Variants in COL5A1 observed in about 807,000 individuals in gnomAD.
The protein encoded by COL5A1 is collagen type V alpha 1 chain.
COL5A1 carries 16 observed loss-of-function variants against 263.7 expected under a neutral mutation model. The ratio of observed to expected loss-of-function variants is 0.06; its 90% CI spans 0.04 to 0.09. COL5A1 has a LOEUF of 0.09. Ranked by LOEUF, COL5A1 falls within the 10% of genes least tolerant of loss-of-function variation. COL5A1 has a pLI of 1.00. For synonymous variants in COL5A1, 1,012 were observed against 1,004.5 expected, an observed-to-expected ratio of 1.01 and a Z score of -0.14; for missense variants, 2,036 against 2,540.5, an observed-to-expected ratio of 0.80 and a Z score of 4.27.
At chr9:134,830,161 C>A (rs777444130) in intron 64 of COL5A1, 117 bp downstream of exon 64, 1 of 1,610,938 alleles carries the variant, frequency 6.2e-7, no homozygotes, top group Non-Finnish European at 8.5e-7. Flanking sequence ...ATAGTCAGTA[C>A]AAGCGGGGGT....
At chr9:134,788,534 G>A (rs1837550934) in intron 31 of COL5A1, among the ~76,000 whole-genome samples, 1 of 151,122 alleles carries the variant, frequency 6.6e-6, no homozygotes. Flanking sequence ...TTGGGTGAAT[G>A]GAGGGGTGGG....
intron 11 of COL5A1, among the ~76,000 whole-genome samples, chr9:134,748,145 G>C (rs543231121): frequency 1.4e-5 from 2 of 143,350 alleles, no homozygotes; most frequent in Non-Finnish European, 3.0e-5. Context: ...GCATACACAT[G>C]CATTCACACA....
chr9:134,731,930 G>GAAAA (rs1834897757), intron 8 of COL5A1, 141 bp from the exon 9 acceptor site: 1 of 1,032,322 alleles, frequency 9.7e-7, no homozygotes, highest in African/African-American at 1.6e-5. Context: ...TCACGCTCCT[G>GAAAA]CCATCCTCCT....
intron 4 of COL5A1, among the ~76,000 whole-genome samples, chr9:134,715,749 G>C (rs1377595583): frequency 6.6e-6 from 1 of 152,202 alleles, no homozygotes; most frequent in African/African-American, 2.4e-5. Context: ...ATGTCTCTGC[G>C]ACCACAGGGT....
At chr9:134,813,952 G>A (rs113355204) in intron 48 of COL5A1, 31 bp from the exon 49 acceptor site, 20 of 1,549,978 alleles carry the variant, frequency 1.3e-5, no homozygotes, top group South Asian at 8.3e-5. Flanking sequence ...GGTGCTCACC[G>A]CTGCCATAAC....
chr9:134,686,276 C>G lies in COL5A1; in HGVS notation c.110-4636C>G, dbSNP rs1833077090. ...TTCTTTCTCTTCCTTTTTTTCGAGA[C>G]CAGGTTATGCTCTGTCACCCAAGCT... On this transcript the variant is annotated intron_variant, in intron 1 of 65. Transcript: ENST00000371817. This position sits in a 1 kb window ranked among gnomAD's most constrained non-coding sequence, Gnocchi z 4.6. Among the ~76,000 whole-genome samples, 1 of 151,828 alleles carries G rather than the reference C, an allele frequency of 6.6e-6. No homozygotes were observed. Among genetic ancestry groups the G allele is most frequent in the Non-Finnish European group, 1.5e-5 (1 of 67,952 alleles).
At chr9:134,759,214 A>G (rs1014392034) in intron 18 of COL5A1, among the ~76,000 whole-genome samples, 2 of 145,374 alleles carry the variant, frequency 1.4e-5, no homozygotes, top group Non-Finnish European at 3.0e-5. Context: ...CCCCCCATGC[A>G]CACACACACC....
chr9:134,701,437 C>T (rs1375879233), intron 4 of COL5A1, 104 bp downstream of exon 4: 23 of 1,150,174 alleles, frequency 2.0e-5, no homozygotes, highest in South Asian at 5.2e-5. Context: ...GACCGGCTGG[C>T]GGTCCACTGT....
In COL5A1 at chr9:134,730,242, A is replaced by T; in HGVS notation, c.931A>T (p.Thr311Ser). The change falls in exon 7 of 66, where the codon ACC becomes TCC. Residue 311 changes from threonine (T) to serine (S), a missense_variant. By Grantham distance (58) the Thr-to-Ser change is moderately conservative (BLOSUM62 1). Around this residue, in one of 3 missense-constraint regions of COL5A1, gnomAD observed 600 missense variants for 634.5 expected, o/e 0.95. Transcript: ENST00000371817. ...KETTEVPEEL[T>S]PTPTEAAPMP... ...CTCTGTCCTTGGCTCCCAGGAGCTG[A>T]CCCCGACCCCCACGGAAGCTGCTCC... 6.2e-7 allele frequency: 1 copy of T among 1,613,674 alleles called. No individual in the cohort carries two copies. Among genetic ancestry groups the T allele is most frequent in the Non-Finnish European group, 8.5e-7 (1 of 1,180,004 alleles).
At chr9:134,738,925 T>G (rs1445952105) in intron 11 of COL5A1, 117 bp downstream of exon 11, 1 of 827,064 alleles carries the variant, frequency 1.2e-6, no homozygotes, top group African/African-American at 1.7e-5. Context: ...GGCTTGTGTC[T>G]TCAAATCCCC....
chr9:134,815,799 C>A, intron 51 of COL5A1, 136 bp from the exon 52 acceptor site: 1 of 1,279,644 alleles, frequency 7.8e-7, no homozygotes, highest in Non-Finnish European at 1.1e-6. Context: ...ACGCCTTTGA[C>A]CCCACTGACC....
chr9:134,738,497 T>C lies in COL5A1; in HGVS notation c.1413T>C (p.Pro471=). 6.2e-7 allele frequency: 1 copy of C among 1,614,032 alleles called. No individual in the cohort carries two copies. The highest frequency in any genetic ancestry group is 8.5e-7 in the Non-Finnish European group (1 of 1,180,024). ...IEPGMLIEGP[P]GPEGPAGLPG... is the part of the protein sequence containing the mutation. ...AGGGCATGCTCATCGAGGGCCCGCCTGGCCCAGAAGGCCCCGCGGTGAGTA... is the reference window on the plus strand; with the variant it reads ...AGGGCATGCTCATCGAGGGCCCGCCCGGCCCAGAAGGCCCCGCGGTGAGTA... Residue 471 remains proline (P), a synonymous_variant, in exon 10 of 66, where the codon CCT becomes CCC. Transcript: ENST00000371817.
Position 134,712,054 on chromosome 9 carries a change from T to TGG in COL5A1, c.654+10721_654+10722insGG, listed in dbSNP as rs56202848. Reference sequence around the variant, plus strand: ...CCCCTTCTTCCTGCCCCCTTCTTCCTTCCTCCCTCCTTCCTGTACCCCTCC... The same window carrying TGG: ...CCCCTTCTTCCTGCCCCCTTCTTCCTGGTCCTCCCTCCTTCCTGTACCCCTCC... On this transcript the variant is annotated intron_variant, in intron 4 of 65. Transcript: ENST00000371817. Among the ~76,000 whole-genome samples, 466 of 98,522 alleles carry TGG rather than the reference T, an allele frequency of 4.7e-3. 9 individuals carry two copies. The highest frequency in any genetic ancestry group is 0.017 in the African/African-American group (410 of 24,770). The allele number at this position is 98,522 out of a possible 152,430, so 64.6% of individuals were successfully genotyped here.
intron 18 of COL5A1, among the ~76,000 whole-genome samples, chr9:134,760,055 CA>C (rs1284024146): frequency 2.2e-5 from 3 of 137,576 alleles, no homozygotes; most frequent in African/African-American, 8.2e-5. Flanking sequence ...CACACCCACA[CA>C]CCCCCACACT....
intron 11 of COL5A1, among the ~76,000 whole-genome samples, chr9:134,743,301 C>T (rs145348401): frequency 2.9e-3 from 449 of 152,340 alleles, no homozygotes; most frequent in Middle Eastern, 0.014. Flanking sequence ...GAGAGTTTAA[C>T]GTTTTCATCT....
At chr9:134,824,122 C>A (rs1440454458) in intron 61 of COL5A1, among the ~76,000 whole-genome samples, 1 of 152,146 alleles carries the variant, frequency 6.6e-6, no homozygotes, top group Non-Finnish European at 1.5e-5. Flanking sequence ...GGACACCCCC[C>A]TTTGGTTGTG....
intron 4 of COL5A1, among the ~76,000 whole-genome samples, chr9:134,718,121 A>G (rs1202974286): frequency 2.0e-5 from 3 of 152,176 alleles, no homozygotes; most frequent in Non-Finnish European, 2.9e-5. Context: ...TCAGCTCACA[A>G]CAGAGACGCA....
At chr9:134,661,533 C>CTG (rs1450033365) in intron 1 of COL5A1, among the ~76,000 whole-genome samples, 3 of 151,948 alleles carry the variant, frequency 2.0e-5, no homozygotes, top group Non-Finnish European at 4.4e-5. Context: ...TCTCCTGACT[C>CTG]TGTGAGGACG....
chr9:134,720,640 C>T (rs1834417994), intron 4 of COL5A1, among the ~76,000 whole-genome samples: 1 of 152,244 alleles, frequency 6.6e-6, no homozygotes, highest in Non-Finnish European at 1.5e-5. Flanking sequence ...CTAGGGCTTT[C>T]GTGAGCTTCG....
Sources: allele counts gnomAD v4.1 joint callset (sites outside exome capture counted in the v4.1 genomes callset), GRCh38; gene constraint gnomAD v4.1.1; regional missense constraint gnomAD v4.1.1; non-coding constraint Gnocchi (gnomAD v3.1); transcripts MANE v1.5; gene names NCBI Gene and HGNC (gene_info 2026-07-23, HGNC 2026-07-21).